Variants in PCARE observed in about 807,000 individuals in gnomAD.
The protein encoded by PCARE is photoreceptor cilium actin regulator.
PCARE carries 72 observed loss-of-function variants against 82.2 expected under a neutral mutation model. That is an observed-to-expected ratio of 0.88 (90% CI 0.72 to 1.07). The LOEUF (loss-of-function observed/expected upper bound fraction) is 1.07, where lower values mean the gene tolerates loss of function less well. Ranked by LOEUF, PCARE falls within the 50% of genes least tolerant of loss-of-function variation. PCARE has a pLI of 0.00. For synonymous variants in PCARE, 705 were observed against 634.8 expected (o/e 1.11, Z -1.66); for missense variants, 1,768 against 1,592.4 (o/e 1.11, Z -1.88).
At chr2:29,066,774 A>G (rs907310157) in intron 1 of PCARE, among the ~76,000 whole-genome samples, 5 of 152,230 alleles carry the variant, frequency 3.3e-5, no homozygotes, top group African/African-American at 1.2e-4. Context: ...CCCACTGGGT[A>G]TCTGATCCAG....
chr2:29,067,734 G>A (rs1004443835), intron 1 of PCARE, among the ~76,000 whole-genome samples: 2 of 152,074 alleles, frequency 1.3e-5, no homozygotes. Context: ...TAGTAGAGAC[G>A]GGGTTTTACC....
chr2:29,070,864 G>A lies in PCARE; in HGVS notation c.3398C>T (p.Ala1133Val), dbSNP rs1667462746. Reference sequence around the variant, plus strand: ...GTGGGCTGTTGAGAGTGGCGGTTTAGCTTCAAACAGAGAGGAGGTAGCTGG... The same window carrying A: ...GTGGGCTGTTGAGAGTGGCGGTTTAACTTCAAACAGAGAGGAGGTAGCTGG... ...FCPATSSLFE[A>V]KPPLSTAHPL... The change falls in exon 1 of 2, where the codon GCT (alanine) becomes GTT (valine). Residue 1133 changes from alanine to valine, a missense_variant. Transcript: ENST00000331664. The A allele has an allele frequency of 1.2e-6, 2 of 1,613,768 alleles. No individual in the cohort carries two copies. Among genetic ancestry groups the A allele is most frequent in the African/African-American group, 1.3e-5 (1 of 74,924 alleles).
At chr2:29,068,709 T>C (rs1667427680) in intron 1 of PCARE, among the ~76,000 whole-genome samples, 1 of 152,326 alleles carries the variant, frequency 6.6e-6, no homozygotes. Context: ...ACCAATGACA[T>C]GCACGTCCAT....
rs1667364046 is a variant in PCARE at position 29,064,605 on chromosome 2, A to C, written c.*264T>G. 11 of 568,052 alleles carry C rather than the reference A, an allele frequency of 1.9e-5. No homozygotes were observed. The South Asian group carries it at 2.1e-4, about 11-fold the overall frequency. 35.2% of individuals were successfully genotyped at this position (568,052 alleles called of 1,614,324 possible). Reference sequence around the variant, plus strand: ...CCCCACCCCACCCCAAATTAAGGCCAGCACTTGAAGCATTAAATACTGTCA... The same window carrying C: ...CCCCACCCCACCCCAAATTAAGGCCCGCACTTGAAGCATTAAATACTGTCA... On this transcript the variant is annotated 3_prime_UTR_variant, in exon 2 of 2. Coordinates refer to ENST00000331664, the MANE Select transcript of PCARE (RefSeq NM_001029883.3).
chr2:29,064,737 A>G lies in PCARE; in HGVS notation c.*132T>C, dbSNP rs1178711396. 2 of 1,199,866 alleles carry G rather than the reference A, an allele frequency of 1.7e-6. No homozygotes were observed. The highest frequency in any genetic ancestry group is 1.9e-5 in the Admixed American group (1 of 51,736). 74.3% of individuals were successfully genotyped at this position (1,199,866 alleles called of 1,614,324 possible). ...ATTCAGCAGACCCACTGGGCAGTGC[A>G]CCTTCCAGGCCTTTCCAGGACACCT... On this transcript the variant is annotated 3_prime_UTR_variant, in exon 2 of 2. Transcript: ENST00000331664.
At position 29,069,762 on chromosome 2, in the gene PCARE, A is replaced by T. The variant is rs61082213; in HGVS notation, c.3668+832T>A. 8.8e-3 allele frequency among the ~76,000 whole-genome samples: 1,344 copies of T among 152,292 alleles called. 27 individuals carry two copies. The highest frequency in any genetic ancestry group is 0.031 in the African/African-American group (1,284 of 41,580). The stretch of plus-strand genomic sequence containing the variant: ...TATTATTTGTGTTAACGTATTTTTT[A>T]AAAAAATAATAAATATTTTACATAT... On this transcript the variant is annotated intron_variant, in intron 1 of 1. Coordinates refer to ENST00000331664, the MANE Select transcript of PCARE (RefSeq NM_001029883.3).
chr2:29,069,819 T>C (rs1667442425), intron 1 of PCARE, among the ~76,000 whole-genome samples: 1 of 152,196 alleles, frequency 6.6e-6, no homozygotes, highest in African/African-American at 2.4e-5. Flanking sequence ...ACAGTAAACA[T>C]TGATAGATAT....
intron 1 of PCARE, 123 bp downstream of exon 1, chr2:29,070,471 A>G (rs367741139): frequency 7.4e-7 from 1 of 1,351,312 alleles, no homozygotes; most frequent in African/African-American, 1.4e-5. Flanking sequence ...CTTTTTCCCA[A>G]CTGCCTCTTC....
chr2:29,064,804 G>T lies in PCARE; in HGVS notation c.*65C>A. 6.3e-7 allele frequency: 1 copy of T among 1,596,370 alleles called. No homozygotes were observed. ...TGCCCATCATCTCTGGGTCAGGCTG[G>T]ACACTTGGCTGTCACACTTGGCCTT... is the stretch of plus-strand genomic sequence containing the variant. On this transcript the variant is annotated 3_prime_UTR_variant, in exon 2 of 2. Coordinates refer to ENST00000331664, the MANE Select transcript of PCARE (RefSeq NM_001029883.3).
chr2:29,073,381 T>C lies in PCARE; in HGVS notation c.881A>G (p.Glu294Gly). 6.2e-7 allele frequency: 1 copy of C among 1,613,824 alleles called. No homozygotes were observed. The highest frequency in any genetic ancestry group is 8.5e-7 in the Non-Finnish European group (1 of 1,180,038). Reference sequence around the variant, plus strand: ...GGAGTGGAGGTAGCTGCTGGAGCCCTCCAGGAAGCTGCCGGTGAGCGAGGC... The same window carrying C: ...GGAGTGGAGGTAGCTGCTGGAGCCCCCCAGGAAGCTGCCGGTGAGCGAGGC... ...TVASLTGSFL[E>G]GSSSYLHSTA... The change falls in exon 1 of 2, where the codon GAG becomes GGG. Residue 294 changes from glutamate to glycine, a missense_variant. By Grantham distance (98) the Glu-to-Gly change is moderately conservative. Coordinates refer to ENST00000331664, the MANE Select transcript of PCARE (RefSeq NM_001029883.3).
In PCARE at chr2:29,072,207, C is replaced by T. The variant is rs1391397221; in HGVS notation, c.2055G>A (p.Leu685=). ...SILPSQDKSI[L]QKCNPHPEDE... ...CCTCAGGATGGGGATTGCATTTCTG[C>T]AAGATGCTCTTGTCCTGACTAGGCA... Residue 685 remains leucine, a synonymous_variant, in exon 1 of 2, where the codon TTG becomes TTA. Transcript: ENST00000331664. The T allele has an allele frequency of 6.2e-7, 1 of 1,614,254 alleles. No homozygotes were observed. The highest frequency in any genetic ancestry group is 8.5e-7 in the Non-Finnish European group (1 of 1,180,058).
intron 1 of PCARE, among the ~76,000 whole-genome samples, chr2:29,069,670 C>A (rs1466148110): frequency 2.6e-5 from 4 of 151,810 alleles, no homozygotes; most frequent in African/African-American, 9.7e-5. Flanking sequence ...GCACATGTAC[C>A]CATGAACCTA....
rs1479806765 is a variant in PCARE at position 29,071,014 on chromosome 2, G to A, written c.3248C>T (p.Pro1083Leu). The A allele has an allele frequency of 3.7e-6, 6 of 1,609,150 alleles. No homozygotes were observed. The highest frequency in any genetic ancestry group is 5.1e-6 in the Non-Finnish European group (6 of 1,178,932). The change falls in exon 1 of 2, where the codon CCT becomes CTT. Residue 1083 changes from proline to leucine, a missense_variant. Transcript: ENST00000331664. ...GGGTGATGGGGAGGGAATCGAGAAA[G>A]GGGGGCTTGCTTCTGGGTGCTGGGT... ...PPTQHPEASP[P>L]FSIPSPSPPM...
At chr2:29,065,976 A>G (rs1667384434) in intron 1 of PCARE, among the ~76,000 whole-genome samples, 1 of 152,084 alleles carries the variant, frequency 6.6e-6, no homozygotes, top group Non-Finnish European at 1.5e-5. Context: ...GTGAAACCCC[A>G]TCTCTACTAA....
chr2:29,065,121 C>T, intron 1 of PCARE, 54 bp from the exon 2 acceptor site: 2 of 1,521,962 alleles, frequency 1.3e-6, no homozygotes. Flanking sequence ...GCTGCTCCTT[C>T]CTGCCCCACC....
intron 1 of PCARE, among the ~76,000 whole-genome samples, chr2:29,066,448 G>A (rs1329359875): frequency 6.6e-6 from 1 of 152,234 alleles, no homozygotes; most frequent in African/African-American, 2.4e-5. Context: ...CACATGCACA[G>A]GCAAGAAGGC....
rs1667547606 is a variant in PCARE at position 29,074,158 on chromosome 2, C to A, written c.104G>T (p.Gly35Val). The change falls in exon 1 of 2, where the codon GGA (glycine) becomes GTA (valine). Residue 35 changes from glycine to valine, a missense_variant. Coordinates refer to ENST00000331664, the MANE Select transcript of PCARE (RefSeq NM_001029883.3). ...CAAAGGGATGGAACCTCTTTCACTT[C>A]CGCCCTGACATCCTGGCCGAATTGC... ...PKAIRPGCQG[G>V]SERGSIPLLV... 3.7e-6 allele frequency: 6 copies of A among 1,611,564 alleles called. No individual in the cohort carries two copies. The highest frequency in any genetic ancestry group is 5.1e-6 in the Non-Finnish European group (6 of 1,178,146).
chr2:29,072,176 G>T lies in PCARE; in HGVS notation c.2086C>A (p.Gln696Lys). ...QKCNPHPEDEQGKAGKLPNAI... is the reference protein window; with the variant it reads ...QKCNPHPEDEKGKAGKLPNAI... ...TTTGGAAGCTTCCCAGCTTTGCCTT[G>T]TTCGTCCTCAGGATGGGGATTGCAT... is the stretch of plus-strand genomic sequence containing the variant. Residue 696 changes from glutamine to lysine, a missense_variant, in exon 1 of 2, where the codon CAA becomes AAA. Coordinates refer to ENST00000331664, the MANE Select transcript of PCARE (RefSeq NM_001029883.3). The T allele has an allele frequency of 3.1e-6, 5 of 1,614,238 alleles. No homozygotes were observed. The highest frequency in any genetic ancestry group is 4.2e-6 in the Non-Finnish European group (5 of 1,180,046).
chr2:29,064,474 A>C lies in PCARE; in HGVS notation c.*395T>G, dbSNP rs941674134. On this transcript the variant is annotated 3_prime_UTR_variant, in exon 2 of 2. Coordinates refer to ENST00000331664, the MANE Select transcript of PCARE (RefSeq NM_001029883.3). ...ACACCTTCGGTTTTCATATGCGCAA[A>C]ACTGAAGAATGCTATGTGCTTCATT... 4.6e-5 allele frequency: 14 copies of C among 302,348 alleles called. No homozygotes were observed. The highest frequency in any genetic ancestry group is 8.8e-5 in the Non-Finnish European group (14 of 158,532). 18.7% of individuals were successfully genotyped at this position (302,348 alleles called of 1,614,324 possible).
Sources: allele counts gnomAD v4.1 joint callset (sites outside exome capture counted in the v4.1 genomes callset), GRCh38; gene constraint gnomAD v4.1.1; transcripts MANE v1.5; gene names NCBI Gene and HGNC (gene_info 2026-07-23, HGNC 2026-07-21).